The following PLXDC2 variants were observed in gnomAD, a reference collection of about 807,000 sequenced individuals.
The protein encoded by PLXDC2 is plexin domain containing 2, also known as plexin domain-containing protein 2.
In PLXDC2, 40 loss-of-function variants were observed where a neutral mutation model predicts 68.9. The observed-to-expected ratio is 0.58, with a 90% confidence interval of 0.45 to 0.76. The LOEUF (loss-of-function observed/expected upper bound fraction) is 0.76. Among genes scored for constraint, PLXDC2 ranks in the 30% least tolerant of loss-of-function variants. The pLI is 0.00. For missense variants in PLXDC2, 644 were observed against 661.9 expected (o/e 0.97, Z 0.30); for synonymous variants, 243 against 234.2 (o/e 1.04, Z -0.34).
Position 20,072,112 on chromosome 10 carries a change from C to T in PLXDC2, c.541+3873C>T, listed in dbSNP as rs28523483. Reference sequence around the variant, plus strand: ...CTGTAATCTCAGCACTTTAGGAGGCCGAGGTGGGCGGATCACCTGAGGTCC... The same window carrying T: ...CTGTAATCTCAGCACTTTAGGAGGCTGAGGTGGGCGGATCACCTGAGGTCC... On this transcript the variant is annotated intron_variant, in intron 4 of 13. Coordinates refer to ENST00000377252, the MANE Select transcript of PLXDC2 (RefSeq NM_032812.9). Among the ~76,000 whole-genome samples the T allele has an allele frequency of 7.8e-3, 1,177 of 151,522 alleles. 13 individuals carry two copies. Among genetic ancestry groups the T allele is most frequent in the African/African-American group, 0.027 (1,108 of 41,294 alleles).
intron 4 of PLXDC2, among the ~76,000 whole-genome samples, chr10:20,109,008 G>T (rs907269172): frequency 3.3e-5 from 5 of 152,108 alleles, no homozygotes; most frequent in Non-Finnish European, 7.4e-5. Context: ...ATTTCTCCAA[G>T]GAGAAAAAGA....
At chr10:20,189,572 C>CAT (rs1388101731) in intron 9 of PLXDC2, among the ~76,000 whole-genome samples, 9 of 141,112 alleles carry the variant, frequency 6.4e-5, no homozygotes, top group African/African-American at 1.5e-4. Context: ...TATATATACA[C>CAT]ATATATATAA....
intron 1 of PLXDC2, among the ~76,000 whole-genome samples, chr10:19,908,749 G>A (rs995142731): frequency 6.6e-6 from 1 of 151,844 alleles, no homozygotes; most frequent in Non-Finnish European, 1.5e-5. Context: ...CAGTTCTTGA[G>A]ACTACATCAC....
At chr10:19,905,905 C>A (rs527857777) in intron 1 of PLXDC2, among the ~76,000 whole-genome samples, 2 of 151,860 alleles carry the variant, frequency 1.3e-5, no homozygotes, top group African/African-American at 4.8e-5. Flanking sequence ...TTTATTGAGG[C>A]TATTTCTAGT....
chr10:20,165,154 C>A (rs1834357360), intron 7 of PLXDC2, among the ~76,000 whole-genome samples: 1 of 152,056 alleles, frequency 6.6e-6, no homozygotes, highest in African/African-American at 2.4e-5. Flanking sequence ...AGATACAGTT[C>A]TTTTATTAAT....
At chr10:19,836,215 T>C (rs1173152919) in intron 1 of PLXDC2, among the ~76,000 whole-genome samples, 1 of 151,620 alleles carries the variant, frequency 6.6e-6, no homozygotes, top group Non-Finnish European at 1.5e-5. Flanking sequence ...GGGAAGTAAA[T>C]GACAGAGAGG....
chr10:20,047,937 C>A (rs982146425), intron 3 of PLXDC2, among the ~76,000 whole-genome samples: 1 of 152,174 alleles, frequency 6.6e-6, no homozygotes, highest in South Asian at 2.1e-4. Context: ...CTTTGGTCAT[C>A]ATTTTATGAT....
chr10:20,235,649 G>C (rs1016582362), intron 12 of PLXDC2, among the ~76,000 whole-genome samples: 1 of 152,246 alleles, frequency 6.6e-6, no homozygotes, highest in Middle Eastern at 3.4e-3. Flanking sequence ...AGCCCCAAAG[G>C]TTCCATCTTT....
At chr10:20,084,500 T>A (rs1833163223) in intron 4 of PLXDC2, among the ~76,000 whole-genome samples, 1 of 151,984 alleles carries the variant, frequency 6.6e-6, no homozygotes, top group African/African-American at 2.4e-5. Flanking sequence ...AACAGGGTAG[T>A]GGGATGAGAA....
intron 9 of PLXDC2, among the ~76,000 whole-genome samples, chr10:20,204,971 C>T (rs577724641): frequency 7.2e-5 from 11 of 152,236 alleles, no homozygotes; most frequent in African/African-American, 1.7e-4. Flanking sequence ...TTCAATTGCT[C>T]AGTAAGACAA....
intron 1 of PLXDC2, among the ~76,000 whole-genome samples, chr10:19,993,578 C>A (rs1160029446): frequency 6.6e-6 from 1 of 152,074 alleles, no homozygotes; most frequent in African/African-American, 2.4e-5. Context: ...CGCCACCTCA[C>A]CTGGCTGAGT....
chr10:20,134,032 T>C (rs1292664138), intron 4 of PLXDC2, among the ~76,000 whole-genome samples: 1 of 152,234 alleles, frequency 6.6e-6, no homozygotes, highest in Non-Finnish European at 1.5e-5. Context: ...TAATGTTTTC[T>C]TCAGTTCCAG....
chr10:20,046,768 T>A, intron 2 of PLXDC2, 101 bp from the exon 3 acceptor site: 1 of 1,249,662 alleles, frequency 8.0e-7, no homozygotes. Context: ...ATTTTGCTCT[T>A]TTAAAAACTA....
At position 20,289,075 on chromosome 10, in the gene PLXDC2, T is replaced by C. The variant is rs916124746; in HGVS notation, c.*9256T>C. 6.6e-6 allele frequency: 1 copy of C among 152,208 alleles called. No individual in the cohort carries two copies. The highest frequency in any genetic ancestry group is 2.4e-5 in the African/African-American group (1 of 41,450). 9.4% of individuals were successfully genotyped at this position (152,208 alleles called of 1,614,324 possible). On this transcript the variant is annotated 3_prime_UTR_variant, in exon 14 of 14. Transcript: ENST00000377252. Reference sequence around the variant, plus strand: ...TTCTTAAATACCTTGTCTTTCAACATACGTTTTGTTTCCTTTCTTCCATTA... The same window carrying C: ...TTCTTAAATACCTTGTCTTTCAACACACGTTTTGTTTCCTTTCTTCCATTA...
At chr10:19,915,162 T>C (rs545011060) in intron 1 of PLXDC2, among the ~76,000 whole-genome samples, 1 of 152,172 alleles carries the variant, frequency 6.6e-6, no homozygotes, top group Non-Finnish European at 1.5e-5. Flanking sequence ...CATTTTAATA[T>C]TTGTTTTCTG....
chr10:19,950,042 A>T (rs778964011), intron 1 of PLXDC2, among the ~76,000 whole-genome samples: 1 of 152,160 alleles, frequency 6.6e-6, no homozygotes, highest in Non-Finnish European at 1.5e-5. Context: ...ACTTATGACA[A>T]ATCCACACCT....
chr10:20,020,803 C>A (rs1835295120), intron 2 of PLXDC2, among the ~76,000 whole-genome samples: 2 of 152,034 alleles, frequency 1.3e-5, no homozygotes, highest in African/African-American at 4.8e-5. Context: ...ATTAGCAGTC[C>A]TTTTTTTCCT....
At chr10:20,149,806 T>C (rs970259246) in intron 6 of PLXDC2, among the ~76,000 whole-genome samples, 1 of 152,218 alleles carries the variant, frequency 6.6e-6, no homozygotes, top group Non-Finnish European at 1.5e-5. Context: ...TGGTTTTCTT[T>C]ATCCAGTCTA....
chr10:20,266,480 A>G (rs1835874126), intron 13 of PLXDC2, among the ~76,000 whole-genome samples: 1 of 152,112 alleles, frequency 6.6e-6, no homozygotes, highest in African/African-American at 2.4e-5. Flanking sequence ...AATCTAAATA[A>G]TTATATTTTT....
Sources: gnomAD v4.1 joint callset for allele counts (sites outside exome capture counted in the v4.1 genomes callset) on GRCh38, gnomAD v4.1.1 for gene constraint, MANE v1.5 for transcripts, NCBI Gene and HGNC (gene_info 2026-07-23, HGNC 2026-07-21) for gene names.